ATF2: variants seen among roughly 807,000 people sequenced by gnomAD.
The protein encoded by ATF2 is cyclic AMP-dependent transcription factor ATF-2.
A neutral mutation model predicts 60.6 loss-of-function variants in ATF2; 24 were observed. That is an observed-to-expected ratio of 0.40 (90% CI 0.29 to 0.56). ATF2 has a LOEUF of 0.56. Ranked by LOEUF, ATF2 falls within the 20% of genes least tolerant of loss-of-function variation. The pLI is 0.54. For missense variants in ATF2, 433 were observed against 607.7 expected (o/e 0.71, Z 3.02); for synonymous variants, 206 against 215.4 (o/e 0.96, Z 0.38).
intron 10 of ATF2, among the ~76,000 whole-genome samples, chr2:175,104,284 C>T (rs780612857): frequency 8.5e-5 from 13 of 152,132 alleles, no homozygotes; most frequent in Non-Finnish European, 1.8e-4. Context: ...AGAATCACTA[C>T]TGCTACAATA....
In ATF2 at chr2:175,111,551, A is replaced by C. The variant is rs1485824697; in HGVS notation, c.828+17T>G. On this transcript the variant is annotated intron_variant, in intron 10 of 13. Transcript: ENST00000264110. Reference sequence around the variant, plus strand: ...ACAGCCTCAAGCAATGTACAGAACAAATAAAATCTGGCTTACCATTTTTGC... The same window carrying C: ...ACAGCCTCAAGCAATGTACAGAACACATAAAATCTGGCTTACCATTTTTGC... 7 of 1,600,086 alleles carry C rather than the reference A, an allele frequency of 4.4e-6. No individual in the cohort carries two copies. The highest frequency in any genetic ancestry group is 6.0e-6 in the Non-Finnish European group (7 of 1,167,706).
At position 175,076,342 on chromosome 2, in the gene ATF2, A is replaced by C. The variant is rs141920314; in HGVS notation, c.1292-1507T>G. 5.9e-3 allele frequency among the ~76,000 whole-genome samples: 893 copies of C among 152,164 alleles called. 3 individuals are homozygous for C. Among genetic ancestry groups the C allele is most frequent in the Middle Eastern group, 0.014 (4 of 292 alleles). ...CTTGACCTCAAGGTACAATAAAACA[A>C]CACCACCACCACCACCAACCACCAG... On this transcript the variant is annotated intron_variant, in intron 13 of 13. Coordinates refer to ENST00000264110, the MANE Select transcript of ATF2 (RefSeq NM_001880.4).
At chr2:175,093,791 C>G (rs1383875442) in intron 11 of ATF2, among the ~76,000 whole-genome samples, 1 of 151,840 alleles carries the variant, frequency 6.6e-6, no homozygotes, top group Admixed American at 6.6e-5. Flanking sequence ...TATATATATT[C>G]TTTGGTATAT....
intron 8 of ATF2, 93 bp from the exon 9 acceptor site, chr2:175,114,201 T>A (rs1386744235): frequency 1.4e-6 from 2 of 1,437,738 alleles, no homozygotes; most frequent in African/African-American, 2.9e-5. Flanking sequence ...TATAATCATA[T>A]CATTTAAAAA....
chr2:175,163,748 C>T (rs553666006), intron 1 of ATF2, among the ~76,000 whole-genome samples: 77 of 150,644 alleles, frequency 5.1e-4, no homozygotes, highest in Non-Finnish European at 3.3e-4. Context: ...CATGGTGAAA[C>T]CCCGTTTCTA....
chr2:175,074,348 C>T lies in ATF2; in HGVS notation c.*261G>A, dbSNP rs1020062821. The T allele has an allele frequency of 7.7e-6, 2 of 259,396 alleles. No individual in the cohort carries two copies. Among genetic ancestry groups the T allele is most frequent in the Admixed American group, 4.9e-5 (1 of 20,540 alleles). 16.1% of individuals were successfully genotyped at this position (259,396 alleles called of 1,614,324 possible). A position where few individuals can be genotyped will look rare whatever the true frequency, so the allele number is the denominator to read the frequency against. ...AAATAAATCACAATGAATTATAATACAATTTACACATTGAGCACAGAAAAA... is the reference window on the plus strand; with the variant it reads ...AAATAAATCACAATGAATTATAATATAATTTACACATTGAGCACAGAAAAA... On this transcript the variant is annotated 3_prime_UTR_variant, in exon 14 of 14. Transcript: ENST00000264110.
intron 2 of ATF2, among the ~76,000 whole-genome samples, chr2:175,145,644 C>A (rs1698897456): frequency 6.6e-6 from 1 of 152,182 alleles, no homozygotes; most frequent in Non-Finnish European, 1.5e-5. Context: ...CCAAAAGGGA[C>A]CTCAGCTCCT....
chr2:175,099,107 T>C (rs1054867492), intron 10 of ATF2, among the ~76,000 whole-genome samples: 4 of 150,348 alleles, frequency 2.7e-5, no homozygotes, highest in Admixed American at 2.6e-4. Flanking sequence ...AATTTCTTTT[T>C]TTTTTTTTTT....
At chr2:175,133,886 A>T (rs1021024941) in intron 3 of ATF2, among the ~76,000 whole-genome samples, 50 of 152,240 alleles carry the variant, frequency 3.3e-4, no homozygotes, top group African/African-American at 1.1e-3. Flanking sequence ...ATACCTCAAT[A>T]AAAAGCAAAA....
rs180909774 is a variant in ATF2 at position 175,109,047 on chromosome 2, G to A, written c.828+2521C>T. ...ACACAAACACTGCGGAAGGCCGCAGGGTCCTCTGCATAGGAAAACCAGAGA... is the reference window on the plus strand; with the variant it reads ...ACACAAACACTGCGGAAGGCCGCAGAGTCCTCTGCATAGGAAAACCAGAGA... On this transcript the variant is annotated intron_variant, in intron 10 of 13. Coordinates refer to ENST00000264110, the MANE Select transcript of ATF2 (RefSeq NM_001880.4). Among the ~76,000 whole-genome samples, 800 of 152,018 alleles carry A rather than the reference G, an allele frequency of 5.3e-3. 5 individuals carry two copies. The highest frequency in any genetic ancestry group is 0.017 in the African/African-American group (692 of 41,462).
intron 1 of ATF2, among the ~76,000 whole-genome samples, chr2:175,157,511 G>T (rs1400588756): frequency 1.3e-5 from 2 of 152,118 alleles, no homozygotes; most frequent in East Asian, 1.9e-4. Flanking sequence ...TCAGGCCAGC[G>T]ACTCTTACCA....
chr2:175,159,182 T>G (rs1699865724), intron 1 of ATF2, among the ~76,000 whole-genome samples: 2 of 151,838 alleles, frequency 1.3e-5, no homozygotes, highest in Non-Finnish European at 2.9e-5. Flanking sequence ...CAGCGGGGCG[T>G]GGTGGCGGAG....
intron 13 of ATF2, among the ~76,000 whole-genome samples, chr2:175,079,679 C>T (rs1693632333): frequency 6.6e-6 from 1 of 152,026 alleles, no homozygotes; most frequent in Non-Finnish European, 1.5e-5. Context: ...ATAATGACTA[C>T]AAGTAAAGAT....
intron 11 of ATF2, among the ~76,000 whole-genome samples, chr2:175,095,104 CTT>C (rs914424296): frequency 6.9e-6 from 1 of 145,394 alleles, no homozygotes. Flanking sequence ...TTTTCTTTTT[CTT>C]TTTTTTTTTG....
At position 175,074,520 on chromosome 2, in the gene ATF2, G is replaced by T; in HGVS notation, c.*89C>A. On this transcript the variant is annotated 3_prime_UTR_variant, in exon 14 of 14. Transcript: ENST00000264110. ...TAAAAAAAAAAAATTTACAACCACA[G>T]ATTTCGCATAAATGGAAACTGGTCT... 3 of 1,431,854 alleles carry T rather than the reference G, an allele frequency of 2.1e-6. No individual in the cohort carries two copies. The highest frequency in any genetic ancestry group is 1.9e-6 in the Non-Finnish European group (2 of 1,075,590). The allele number at this position is 1,431,854 out of a possible 1,614,324, so 88.7% of individuals were successfully genotyped here. A position where few individuals can be genotyped will look rare whatever the true frequency, so the allele number is the denominator to read the frequency against.
chr2:175,084,156 G>T (rs1047315884), intron 12 of ATF2, among the ~76,000 whole-genome samples: 53 of 152,066 alleles, frequency 3.5e-4, no homozygotes, highest in African/African-American at 1.2e-3. Context: ...TATACCCAAA[G>T]GACTATAAAT....
intron 4 of ATF2, among the ~76,000 whole-genome samples, chr2:175,129,908 C>A (rs1190657679): frequency 6.6e-6 from 1 of 151,936 alleles, no homozygotes; most frequent in African/African-American, 2.4e-5. Context: ...CTTTCCATTA[C>A]AAGATATAAT....
At chr2:175,154,098 C>T (rs1248666423) in intron 1 of ATF2, among the ~76,000 whole-genome samples, 1 of 151,110 alleles carries the variant, frequency 6.6e-6, no homozygotes, top group African/African-American at 2.4e-5. Flanking sequence ...CCTGTAATCC[C>T]AGCTACTCAG....
At chr2:175,109,113 T>C (rs935339528) in intron 10 of ATF2, among the ~76,000 whole-genome samples, 1 of 149,544 alleles carries the variant, frequency 6.7e-6, no homozygotes, top group Non-Finnish European at 1.5e-5. Flanking sequence ...CCCTCCACTA[T>C]TGTCCTATGA....
Sources: gnomAD v4.1 joint callset for allele counts (sites outside exome capture counted in the v4.1 genomes callset) on GRCh38, gnomAD v4.1.1 for gene constraint, MANE v1.5 for transcripts, NCBI Gene and HGNC (gene_info 2026-07-23, HGNC 2026-07-21) for gene names.